The following UNC79 variants were observed in gnomAD, a reference collection of about 807,000 sequenced individuals.
UNC79 encodes the protein unc-79 subunit of NALCN channel complex, also known as protein unc-79 homolog.
UNC79 carries 37 observed loss-of-function variants against 283.1 expected under a neutral mutation model. The observed-to-expected ratio is 0.13, with a 90% CI of 0.10 to 0.17. The LOEUF (loss-of-function observed/expected upper bound fraction) is 0.17. Among genes scored for constraint, UNC79 ranks in the 10% least tolerant of loss-of-function variants. The pLI is 1.00. For missense variants in UNC79, 2,272 were observed against 3,211.1 expected, an observed-to-expected ratio of 0.71 and a Z score of 7.07; for synonymous variants, 1,107 against 1,200.2, an observed-to-expected ratio of 0.92 and a Z score of 1.61.
At chr14:93,348,199 G>A (rs775701519) in intron 1 of UNC79, 2 of 841,374 alleles carry the variant, frequency 2.4e-6, no homozygotes, top group Admixed American at 1.9e-5. Context: ...GAGCAAAATT[G>A]CCTAGTTGAG....
chr14:93,621,172 CAG>C lies in UNC79; in HGVS notation c.4388-448_4388-447del, dbSNP rs781749776. On this transcript the variant is annotated intron_variant, in intron 29 of 48. Transcript: ENST00000555664. The surrounding 1 kb of genome is among the most constrained non-coding windows in gnomAD (Gnocchi z 4.8). ...TGATTTATATATATGTATGCACAAA[CAG>C]TATATATATATACACATTTATATAT... 1.1e-4 allele frequency: 38 copies of C among 351,004 alleles called. No individual in the cohort carries two copies. The highest frequency in any genetic ancestry group is 1.8e-4 in the Non-Finnish European group (33 of 178,684). The allele number at this position is 351,004 out of a possible 1,614,324, so 21.7% of individuals were successfully genotyped here.
rs745443250 is a variant in UNC79, at chr14:93,572,133, G to A, written c.1946+49G>A. On this transcript the variant is annotated intron_variant, in intron 15 of 48. Transcript: ENST00000555664. ...CACTGTAATTATAATCATATCTAAC[G>A]TTTGGTGAGCATGTACTGTATGCCG... The A allele has an allele frequency of 1.4e-5, 22 of 1,586,234 alleles. No homozygotes were observed. The Middle Eastern group carries it at 1.5e-3, about 110-fold the overall frequency.
At chr14:93,425,438 T>G (rs537427245), upstream of UNC79, among the ~76,000 whole-genome samples, 31 of 152,284 alleles carry the variant, frequency 2.0e-4, no homozygotes, top group Non-Finnish European at 7.4e-5. Flanking sequence ...CCAAGATAAA[T>G]TTGAAGAACA....
At chr14:93,641,966 A>G (rs1179557296) in intron 33 of UNC79, among the ~76,000 whole-genome samples, 3 of 152,166 alleles carry the variant, frequency 2.0e-5, no homozygotes, top group Admixed American at 6.5e-5. Flanking sequence ...CCTGCCATGT[A>G]AGATGTGACT....
intron 7 of UNC79, among the ~76,000 whole-genome samples, chr14:93,498,775 T>C (rs2140643483): frequency 6.6e-6 from 1 of 152,242 alleles, no homozygotes; most frequent in East Asian, 1.9e-4. Flanking sequence ...AGGTTGTTTA[T>C]GTATATATAT....
chr14:93,638,748 G>T (rs2068735899), intron 32 of UNC79, among the ~76,000 whole-genome samples: 1 of 152,216 alleles, frequency 6.6e-6, no homozygotes, highest in African/African-American at 2.4e-5. Context: ...GCAGCAACTT[G>T]GGGGTGATAG....
At chr14:93,337,456 A>G (rs549978221) in intron 1 of UNC79, among the ~76,000 whole-genome samples, 3 of 152,206 alleles carry the variant, frequency 2.0e-5, no homozygotes, top group East Asian at 3.9e-4. Flanking sequence ...ATGGTGACAT[A>G]CTCCCAGACT....
chr14:93,612,501 A>G (rs754490196), intron 26 of UNC79, among the ~76,000 whole-genome samples: 7 of 152,220 alleles, frequency 4.6e-5, no homozygotes, highest in Admixed American at 2.0e-4. Context: ...TGCAAAATTT[A>G]TGTAGGCATT....
Position 93,621,576 on chromosome 14 carries a change from G to C in UNC79, c.4388-45G>C. The C allele has an allele frequency of 6.7e-7, 1 of 1,493,512 alleles. No homozygotes were observed. 92.5% of individuals were successfully genotyped at this position (1,493,512 alleles called of 1,614,324 possible). A position where few individuals can be genotyped will look rare whatever the true frequency, so the allele number is the denominator to read the frequency against. ...CCCAAGGATGAGGGGAAAAAATGGT[G>C]AAATCTCCAAGTAAAATAGTACTAG... On this transcript the variant is annotated intron_variant, in intron 29 of 48. Transcript: ENST00000555664. This position sits in a 1 kb window ranked among gnomAD's most constrained non-coding sequence, Gnocchi z 4.8.
At chr14:93,366,269 T>C (rs2054330692) in intron 1 of UNC79, among the ~76,000 whole-genome samples, 1 of 152,200 alleles carries the variant, frequency 6.6e-6, no homozygotes, top group Non-Finnish European at 1.5e-5. Context: ...TTTTTTAAAA[T>C]TTATGATTTA....
At chr14:93,695,407 T>C (rs2075018929) in intron 47 of UNC79, among the ~76,000 whole-genome samples, 1 of 152,202 alleles carries the variant, frequency 6.6e-6, no homozygotes, top group Non-Finnish European at 1.5e-5. Flanking sequence ...CAGAACAAGA[T>C]CATTGGTTCA....
At chr14:93,387,614 A>G (rs2054805591) in intron 1 of UNC79, among the ~76,000 whole-genome samples, 1 of 152,124 alleles carries the variant, frequency 6.6e-6, no homozygotes, top group African/African-American at 2.4e-5. Context: ...GCTTGATATT[A>G]TTTCAGTTTT....
intron 12 of UNC79, among the ~76,000 whole-genome samples, chr14:93,539,159 T>C (rs968854245): frequency 4.7e-5 from 7 of 148,910 alleles, no homozygotes. Flanking sequence ...CGCCTGGGCC[T>C]CCCAAAGTGC....
chr14:93,397,967 C>T (rs917571447), intron 1 of UNC79, among the ~76,000 whole-genome samples: 11 of 152,096 alleles, frequency 7.2e-5, no homozygotes, highest in Non-Finnish European at 5.9e-5. Flanking sequence ...TAAATGATGT[C>T]TGAATTGCTG....
In UNC79 at chr14:93,690,558, C is replaced by T; in HGVS notation, c.7272+255C>T. The T allele has an allele frequency of 2.5e-6, 1 of 398,272 alleles. No individual in the cohort carries two copies. The highest frequency in any genetic ancestry group is 4.4e-6 in the Non-Finnish European group (1 of 225,984). The allele number at this position is 398,272 out of a possible 1,614,324, so 24.7% of individuals were successfully genotyped here. A position where few individuals can be genotyped will look rare whatever the true frequency, so the allele number is the denominator to read the frequency against. On this transcript the variant is annotated intron_variant, in intron 45 of 48. Transcript: ENST00000555664. The surrounding 1 kb of genome is among the most constrained non-coding windows in gnomAD (Gnocchi z 4.3). ...ATGGAGTCAAGCAAGAGTTGGCTTCCCAGGCATTTCTGTCTCAAAATAATG... is the reference window on the plus strand; with the variant it reads ...ATGGAGTCAAGCAAGAGTTGGCTTCTCAGGCATTTCTGTCTCAAAATAATG...
At chr14:93,371,716 C>G (rs1274970845) in intron 1 of UNC79, among the ~76,000 whole-genome samples, 1 of 151,970 alleles carries the variant, frequency 6.6e-6, no homozygotes, top group Non-Finnish European at 1.5e-5. Flanking sequence ...TGGCGGGCGC[C>G]TGTGGTCCCA....
intron 14 of UNC79, among the ~76,000 whole-genome samples, chr14:93,567,074 A>T (rs1173076967): frequency 6.6e-6 from 1 of 152,208 alleles, no homozygotes; most frequent in Admixed American, 6.5e-5. Context: ...GTGATCTGTA[A>T]CAAGTGGAGG....
At chr14:93,344,045 G>C (rs1447622415) in intron 1 of UNC79, among the ~76,000 whole-genome samples, 1 of 152,086 alleles carries the variant, frequency 6.6e-6, no homozygotes, top group Non-Finnish European at 1.5e-5. Context: ...GGGTGGCAGG[G>C]AGCTTAATTG....
At chr14:93,467,184 A>G (rs987859300) in intron 1 of UNC79, among the ~76,000 whole-genome samples, 1 of 152,194 alleles carries the variant, frequency 6.6e-6, no homozygotes, top group African/African-American at 2.4e-5. Flanking sequence ...AATTGATGCC[A>G]TTGTGCAATG....
Sources: gnomAD v4.1 joint callset for allele counts (sites outside exome capture counted in the v4.1 genomes callset) on GRCh38, gnomAD v4.1.1 for gene constraint, Gnocchi (gnomAD v3.1) non-coding constraint, MANE v1.5 for transcripts, NCBI Gene and HGNC (gene_info 2026-07-23, HGNC 2026-07-21) for gene names.